TUBGCP5: variants seen among roughly 807,000 people sequenced by gnomAD.
The protein encoded by TUBGCP5 is tubulin gamma complex component 5.
TUBGCP5 carries 98 observed loss-of-function variants against 134.7 expected under a neutral mutation model. The observed-to-expected ratio is 0.73, with a 90% CI of 0.62 to 0.86. The LOEUF (loss-of-function observed/expected upper bound fraction) is 0.86. Among genes scored for constraint, TUBGCP5 ranks in the 40% least tolerant of loss-of-function variants. The pLI is 0.00. For synonymous variants in TUBGCP5, 456 were observed against 431.4 expected, an observed-to-expected ratio of 1.06 and a Z score of -0.71; for missense variants, 1,150 against 1,244.8, an observed-to-expected ratio of 0.92 and a Z score of 1.15.
At chr15:23,006,720 A>G (rs2064736945) in intron 16 of TUBGCP5, among the ~76,000 whole-genome samples, 1 of 152,142 alleles carries the variant, frequency 6.6e-6, no homozygotes, top group Admixed American at 6.5e-5. Flanking sequence ...AGCTCGACGG[A>G]GCCGAGCATG....
downstream of TUBGCP5, among the ~76,000 whole-genome samples, chr15:22,994,873 G>C (rs1343559808): frequency 6.6e-6 from 1 of 152,156 alleles, no homozygotes; most frequent in East Asian, 1.9e-4. Flanking sequence ...CCAGCACTTT[G>C]GGAGGCCAGT....
At chr15:23,006,748 C>T (rs937927287) in intron 16 of TUBGCP5, among the ~76,000 whole-genome samples, 3 of 152,042 alleles carry the variant, frequency 2.0e-5, no homozygotes, top group Admixed American at 6.5e-5. Flanking sequence ...AGTACTGCTT[C>T]GAGAGCCCCA....
chr15:23,020,634 G>C (rs1239760104), intron 11 of TUBGCP5, among the ~76,000 whole-genome samples: 3 of 151,156 alleles, frequency 2.0e-5, no homozygotes, highest in Admixed American at 2.0e-4. Context: ...TATTAAATTG[G>C]TGTGAAAAAA....
At chr15:22,995,589 A>AAC (rs2064033389), downstream of TUBGCP5, among the ~76,000 whole-genome samples, 1 of 151,052 alleles carries the variant, frequency 6.6e-6, no homozygotes, top group Non-Finnish European at 1.5e-5. Flanking sequence ...AAAAAAAAAA[A>AAC]CAAAACAAAA....
chr15:22,994,360 G>A (rs1256196426), downstream of TUBGCP5, among the ~76,000 whole-genome samples: 5 of 152,122 alleles, frequency 3.3e-5, no homozygotes, highest in East Asian at 7.7e-4. Flanking sequence ...AAAATGCTGG[G>A]ATTACAGGCG....
At chr15:22,995,766 A>G (rs1350650219), downstream of TUBGCP5, among the ~76,000 whole-genome samples, 1 of 151,948 alleles carries the variant, frequency 6.6e-6, no homozygotes, top group African/African-American at 2.4e-5. Context: ...TCACCCCCAG[A>G]AATTTCCCCC....
At chr15:23,008,402 G>C in intron 16 of TUBGCP5, 1 of 366,528 alleles carries the variant, frequency 2.7e-6, no homozygotes, top group Non-Finnish European at 5.0e-6. Context: ...AAATAGCCAG[G>C]ATTACAGGCG....
chr15:22,998,061 T>C (rs1252529862), downstream of TUBGCP5, among the ~76,000 whole-genome samples: 1 of 152,074 alleles, frequency 6.6e-6, no homozygotes, highest in Non-Finnish European at 1.5e-5. Context: ...ACGCCTGTAA[T>C]CCCAGCACTT....
intron 21 of TUBGCP5, among the ~76,000 whole-genome samples, chr15:23,001,992 T>G (rs1442938831): frequency 6.6e-6 from 1 of 152,170 alleles, no homozygotes; most frequent in African/African-American, 2.4e-5. Flanking sequence ...ACAATTAACT[T>G]ATCCATAAAC....
rs1390651957 is a variant in TUBGCP5 at position 23,027,143 on chromosome 15, A to T, written c.737+49T>A. On this transcript the variant is annotated intron_variant, in intron 7 of 22. Transcript: ENST00000615383. ...ACAAATCAAAGCCAAACGTTTAAACATCAAAGTTTCTTCTATCATCACATT... is the reference window on the plus strand; with the variant it reads ...ACAAATCAAAGCCAAACGTTTAAACTTCAAAGTTTCTTCTATCATCACATT... 5 of 1,394,134 alleles carry T rather than the reference A, an allele frequency of 3.6e-6. No homozygotes were observed. In the East Asian group the frequency reaches 1.2e-4, roughly 34 times the overall value. 86.4% of individuals were successfully genotyped at this position (1,394,134 alleles called of 1,614,324 possible).
chr15:23,005,068 C>T (rs1414934856), intron 19 of TUBGCP5, among the ~76,000 whole-genome samples: 1 of 152,176 alleles, frequency 6.6e-6, no homozygotes, highest in Non-Finnish European at 1.5e-5. Context: ...TCCTCCCACA[C>T]ACCGTAGTGG....
chr15:23,005,584 G>T lies in TUBGCP5; in HGVS notation c.2560C>A (p.Arg854=). The change falls in exon 19 of 23, where the codon CGA becomes AGA. Residue 854 remains arginine (R), a synonymous_variant. Coordinates refer to ENST00000615383, the MANE Select transcript of TUBGCP5 (RefSeq NM_052903.6). Reference sequence around the variant, plus strand: ...TCATGTATAAGGCCTTCTTTAAGTCGTGGTTTTTCTGCAGTACTAACCAGT... The same window carrying T: ...TCATGTATAAGGCCTTCTTTAAGTCTTGGTTTTTCTGCAGTACTAACCAGT... The part of the protein sequence containing the change: ...GELVSTAEKP[R]LKEGLIHEQD... The T allele has an allele frequency of 6.2e-7, 1 of 1,614,000 alleles. No homozygotes were observed. The highest frequency in any genetic ancestry group is 8.5e-7 in the Non-Finnish European group (1 of 1,179,974).
chr15:23,031,710 T>C (rs570392747), intron 5 of TUBGCP5, among the ~76,000 whole-genome samples: 10 of 152,224 alleles, frequency 6.6e-5, no homozygotes, highest in Non-Finnish European at 1.3e-4. Context: ...GCAATCCTCC[T>C]GCCTCTCGAA....
chr15:23,005,419 G>T lies in TUBGCP5; in HGVS notation c.2712+13C>A. On this transcript the variant is annotated intron_variant, in intron 19 of 22. Transcript: ENST00000615383. The stretch of plus-strand genomic sequence containing the variant: ...ACGACGATAGAACTGAAGCAGATGG[G>T]AGAGGCACAAACCCTGGTCATGATG... 6.2e-7 allele frequency: 1 copy of T among 1,612,860 alleles called. No homozygotes were observed. Among genetic ancestry groups the T allele is most frequent in the Non-Finnish European group, 8.5e-7 (1 of 1,179,174 alleles).
chr15:23,033,302 G>C (rs1343083818), intron 3 of TUBGCP5, among the ~76,000 whole-genome samples: 1 of 151,804 alleles, frequency 6.6e-6, no homozygotes, highest in African/African-American at 2.4e-5. Context: ...CCCCGAGATG[G>C]ATTTTCGCTC....
At position 23,006,177 on chromosome 15, in the gene TUBGCP5, G is replaced by C. The variant is rs750169596; in HGVS notation, c.2413-5C>G. Reference sequence around the variant, plus strand: ...AATGTCCACGGGCCATGGGACCTATGAAACAAAAACAAAATTAGAAAGTAA... The same window carrying C: ...AATGTCCACGGGCCATGGGACCTATCAAACAAAAACAAAATTAGAAAGTAA... On this transcript the variant is annotated splice_polypyrimidine_tract_variant and splice_region_variant and intron_variant, in intron 17 of 22. Transcript: ENST00000615383. The C allele has an allele frequency of 6.2e-7, 1 of 1,607,426 alleles. No individual in the cohort carries two copies. Among genetic ancestry groups the C allele is most frequent in the Non-Finnish European group, 8.5e-7 (1 of 1,178,690 alleles).
chr15:23,022,168 A>AT lies in TUBGCP5; in HGVS notation c.1169-8dup. 1 of 1,613,448 alleles carries AT rather than the reference A, an allele frequency of 6.2e-7. No homozygotes were observed. Among genetic ancestry groups the AT allele is most frequent in the Non-Finnish European group, 8.5e-7 (1 of 1,179,328 alleles). On this transcript the variant is annotated splice_polypyrimidine_tract_variant and splice_region_variant and intron_variant, in intron 10 of 22. Transcript: ENST00000615383. ...GCAAGAGTTATTGTAGTATCTGCAAATATCAATAAATCAAACTCAACAGCA... is the reference window on the plus strand; with the variant it reads ...GCAAGAGTTATTGTAGTATCTGCAAATTATCAATAAATCAAACTCAACAGCA...
intron 21 of TUBGCP5, among the ~76,000 whole-genome samples, chr15:23,001,047 T>C (rs1009328885): frequency 1.3e-5 from 2 of 151,960 alleles, no homozygotes; most frequent in Non-Finnish European, 2.9e-5. Context: ...TTTAAAAAGG[T>C]TTTTTTTCTT....
intron 14 of TUBGCP5, 87 bp from the exon 15 acceptor site, chr15:23,010,220 C>T (rs1273124347): frequency 7.1e-7 from 1 of 1,405,678 alleles, no homozygotes; most frequent in Non-Finnish European, 9.7e-7. Flanking sequence ...CCATTTTTAC[C>T]TTTAGTCTTG....
Sources: allele counts gnomAD v4.1 joint callset (sites outside exome capture counted in the v4.1 genomes callset), GRCh38; gene constraint gnomAD v4.1.1; transcripts MANE v1.5; gene names NCBI Gene and HGNC (gene_info 2026-07-23, HGNC 2026-07-21).